AGBL4: variants seen among roughly 807,000 people sequenced by gnomAD.
AGBL4 encodes the protein AGBL carboxypeptidase 4.
In AGBL4, 58 loss-of-function variants were observed where a neutral mutation model predicts 66.4. That is an observed-to-expected ratio of 0.87 (90% CI 0.71 to 1.09). The LOEUF (loss-of-function observed/expected upper bound fraction) is 1.09. Among genes scored for constraint, AGBL4 ranks in the 50% least tolerant of loss-of-function variants. The probability of loss-of-function intolerance (pLI) is 0.00; values close to 1 mark genes in which losing one functional copy is unlikely to be tolerated. For synonymous variants in AGBL4, 234 were observed against 222.9 expected (o/e 1.05, Z -0.44); for missense variants, 579 against 631.0 (o/e 0.92, Z 0.88).
intron 4 of AGBL4, among the ~76,000 whole-genome samples, chr1:49,215,369 C>T (rs1040929454): frequency 1.3e-5 from 2 of 152,056 alleles, no homozygotes; most frequent in African/African-American, 4.8e-5. Flanking sequence ...TATGAATATT[C>T]CTCCTGCACA....
intron 4 of AGBL4, among the ~76,000 whole-genome samples, chr1:49,197,216 T>C (rs557642451): frequency 6.6e-6 from 1 of 152,176 alleles, no homozygotes; most frequent in East Asian, 1.9e-4. Flanking sequence ...TGTTTATAAA[T>C]AGCTTTACTG....
At chr1:48,749,885 G>A (rs1427019962) in intron 6 of AGBL4, among the ~76,000 whole-genome samples, 2 of 152,210 alleles carry the variant, frequency 1.3e-5, no homozygotes, top group Non-Finnish European at 2.9e-5. Context: ...TTCAATGCAT[G>A]TAAAATGGAC....
intron 2 of AGBL4, among the ~76,000 whole-genome samples, chr1:49,831,359 T>C (rs1645670902): frequency 1.3e-5 from 2 of 152,208 alleles, no homozygotes; most frequent in African/African-American, 4.8e-5. Flanking sequence ...TATTTTGTTC[T>C]CTTTGTAGCA....
At chr1:48,609,917 TTATTA>T (rs1194161744) in intron 9 of AGBL4, among the ~76,000 whole-genome samples, 1 of 152,166 alleles carries the variant, frequency 6.6e-6, no homozygotes, top group Non-Finnish European at 1.5e-5. Context: ...ACCCTCTTCT[TTATTA>T]TAAGAGCCCA....
intron 1 of AGBL4, among the ~76,000 whole-genome samples, chr1:49,898,579 A>G (rs1316166913): frequency 6.6e-6 from 1 of 152,110 alleles, no homozygotes; most frequent in Non-Finnish European, 1.5e-5. Flanking sequence ...CTAAAAATAG[A>G]GCTACCATAT....
intron 4 of AGBL4, among the ~76,000 whole-genome samples, chr1:49,163,410 C>G (rs561846277): frequency 1.3e-5 from 2 of 152,196 alleles, no homozygotes; most frequent in African/African-American, 2.4e-5. Context: ...GGTAGATTCT[C>G]TGATATTCCT....
intron 5 of AGBL4, among the ~76,000 whole-genome samples, chr1:48,952,714 T>C (rs550216109): frequency 2.6e-5 from 4 of 152,284 alleles, no homozygotes; most frequent in African/African-American, 9.6e-5. Flanking sequence ...AGGTGGAAGA[T>C]GATGGGCTTT....
intron 2 of AGBL4, among the ~76,000 whole-genome samples, chr1:49,723,130 A>G (rs1222789213): frequency 1.3e-5 from 2 of 152,240 alleles, no homozygotes; most frequent in African/African-American, 4.8e-5. Flanking sequence ...CTGAAAAACA[A>G]CTTTTCTAAT....
At chr1:49,529,667 A>T (rs1046118772) in intron 3 of AGBL4, among the ~76,000 whole-genome samples, 18 of 152,104 alleles carry the variant, frequency 1.2e-4, no homozygotes, top group Non-Finnish European at 2.6e-4. Context: ...ACAGCGCAAG[A>T]CCCTGTCTCA....
At chr1:49,350,913 C>T (rs1462553451) in intron 3 of AGBL4, among the ~76,000 whole-genome samples, 2 of 152,134 alleles carry the variant, frequency 1.3e-5, no homozygotes, top group African/African-American at 4.8e-5. Flanking sequence ...AGGGTAAATC[C>T]TTCTCCCATT....
At chr1:48,802,816 T>C (rs1046193598) in intron 6 of AGBL4, among the ~76,000 whole-genome samples, 2 of 152,212 alleles carry the variant, frequency 1.3e-5, no homozygotes, top group Non-Finnish European at 2.9e-5. Context: ...TAATTTCACT[T>C]CATACTTGAA....
At chr1:50,013,918 A>G (rs1299520505) in intron 1 of AGBL4, among the ~76,000 whole-genome samples, 2 of 152,204 alleles carry the variant, frequency 1.3e-5, no homozygotes, top group Admixed American at 1.3e-4. Flanking sequence ...ACCCTATTTG[A>G]TAAAGGACTA....
chr1:48,776,803 TC>T, intron 6 of AGBL4: 1 of 1,523,520 alleles, frequency 6.6e-7, no homozygotes, highest in Non-Finnish European at 8.8e-7. Flanking sequence ...GCAGACGTTG[TC>T]CTCCAGGAAC....
At chr1:49,931,478 GAA>G (rs1037663886) in intron 1 of AGBL4, among the ~76,000 whole-genome samples, 6 of 152,122 alleles carry the variant, frequency 3.9e-5, no homozygotes, top group Admixed American at 2.6e-4. Flanking sequence ...CATGGTAGCA[GAA>G]GAGAGAGAGC....
At chr1:49,663,808 T>C (rs1407200896) in intron 3 of AGBL4, among the ~76,000 whole-genome samples, 1 of 151,936 alleles carries the variant, frequency 6.6e-6, no homozygotes, top group Non-Finnish European at 1.5e-5. Flanking sequence ...AAATATCCAT[T>C]GGGAATAGGA....
intron 4 of AGBL4, among the ~76,000 whole-genome samples, chr1:49,161,589 C>T (rs1327770684): frequency 1.3e-5 from 2 of 152,144 alleles, no homozygotes; most frequent in African/African-American, 2.4e-5. Flanking sequence ...ACGATTAGCA[C>T]CTCAGGGCTA....
chr1:49,828,966 G>A (rs564611803), intron 2 of AGBL4, among the ~76,000 whole-genome samples: 1 of 152,218 alleles, frequency 6.6e-6, no homozygotes, highest in East Asian at 1.9e-4. Context: ...CTACTCGGGA[G>A]GCTGAGGCAG....
chr1:49,833,260 C>G (rs1645748497), intron 2 of AGBL4, among the ~76,000 whole-genome samples: 1 of 152,040 alleles, frequency 6.6e-6, no homozygotes, highest in Non-Finnish European at 1.5e-5. Flanking sequence ...AATCCTTTCC[C>G]CATTGCTTGT....
chr1:49,296,389 T>C (rs1350303405), intron 3 of AGBL4, among the ~76,000 whole-genome samples: 1 of 152,216 alleles, frequency 6.6e-6, no homozygotes, highest in Non-Finnish European at 1.5e-5. Flanking sequence ...TCATCCTCCT[T>C]GTCCCTCTAC....
Sources: allele counts gnomAD v4.1 joint callset (sites outside exome capture counted in the v4.1 genomes callset), GRCh38; gene constraint gnomAD v4.1.1; transcripts MANE v1.5; gene names NCBI Gene and HGNC (gene_info 2026-07-23, HGNC 2026-07-21).